The following CARM1 variants were observed in gnomAD, a reference collection of about 807,000 sequenced individuals.
CARM1 encodes coactivator associated arginine methyltransferase 1.
In CARM1, 14 loss-of-function variants were observed where a neutral mutation model predicts 72.7. That is an observed-to-expected ratio of 0.19 (90% CI 0.13 to 0.30). CARM1 has a LOEUF of 0.30. Among genes scored for constraint, CARM1 ranks in the 10% least tolerant of loss-of-function variants. The pLI is 1.00. For synonymous variants in CARM1, 333 were observed against 345.5 expected (o/e 0.96, Z 0.40); for missense variants, 432 against 833.7 (o/e 0.52, Z 5.93).
In CARM1 at chr19:10,920,743, C is replaced by T. The variant is rs1250469724; in HGVS notation, c.1419C>T (p.Phe473=). Reference sequence around the variant, plus strand: ...ACCTCCTGGATCTGAAAAACCCCTTCTTTAGGTAGGAGGGGCCCCTTGCCT... The same window carrying T: ...ACCTCCTGGATCTGAAAAACCCCTTTTTTAGGTAGGAGGGGCCCCTTGCCT... ...SSNLLDLKNP[F]FRYTGTTPSP... The change falls in exon 12 of 16, where the codon TTC becomes TTT. Residue 473 remains phenylalanine (F), a synonymous_variant. Transcript: ENST00000327064. This position sits in a 1 kb window ranked among gnomAD's most constrained non-coding sequence, Gnocchi z 5.3. 8.1e-6 allele frequency: 13 copies of T among 1,614,034 alleles called. No individual in the cohort carries two copies. The highest frequency in any genetic ancestry group is 1.1e-5 in the Non-Finnish European group (13 of 1,180,000).
intron 1 of CARM1, among the ~76,000 whole-genome samples, chr19:10,886,805 T>G (rs775520964): frequency 3.3e-5 from 5 of 151,904 alleles, no homozygotes; most frequent in Non-Finnish European, 4.4e-5. Flanking sequence ...CACTCCAGCC[T>G]GGATGATAGA....
rs1378445372 is a variant in CARM1, at chr19:10,920,022, AGCTGCAACCTG to A, written c.1196+61_1196+71del. ...CCTCCCCACTCCCAGGGCTTCCTGC[AGCTGCAACCTG>A]GCTGGGGGGGTGGAACATGGCTCCA... is the stretch of plus-strand genomic sequence containing the variant. On this transcript the variant is annotated intron_variant, in intron 10 of 15. Coordinates refer to ENST00000327064, the MANE Select transcript of CARM1 (RefSeq NM_199141.2). This position sits in a 1 kb window ranked among gnomAD's most constrained non-coding sequence, Gnocchi z 5.3. 1.3e-5 allele frequency: 18 copies of A among 1,367,268 alleles called. No homozygotes were observed. In the Admixed American group the frequency reaches 2.8e-4, roughly 21 times the overall value. 84.7% of individuals were successfully genotyped at this position (1,367,268 alleles called of 1,614,324 possible). A position where few individuals can be genotyped will look rare whatever the true frequency, so the allele number is the denominator to read the frequency against.
At chr19:10,877,143 G>A (rs1001700343) in intron 1 of CARM1, among the ~76,000 whole-genome samples, 1 of 152,062 alleles carries the variant, frequency 6.6e-6, no homozygotes, top group Non-Finnish European at 1.5e-5. Context: ...GCTGGGGCAG[G>A]GGTATAGAAG....
rs1568360128 is a variant in CARM1, at chr19:10,922,737, A to C, written c.*980A>C. 6.6e-6 allele frequency: 1 copy of C among 152,510 alleles called. No individual in the cohort carries two copies. Among genetic ancestry groups the C allele is most frequent in the African/African-American group, 2.4e-5 (1 of 41,474 alleles). 9.4% of individuals were successfully genotyped at this position (152,510 alleles called of 1,614,324 possible). ...CTCCCTCCAAAAAAAGAAAAAAAGA[A>C]AAAGAAAGAAAAAATAAATGAGGAA... On this transcript the variant is annotated 3_prime_UTR_variant, in exon 16 of 16. Transcript: ENST00000327064.
In CARM1 at chr19:10,916,310, C is replaced by T; in HGVS notation, c.848-97C>T. ...GAACGAATGGATGACAGGCTGGGAGCACCCAGGGTTGGGGGTCTTGGGGTC... is the reference window on the plus strand; with the variant it reads ...GAACGAATGGATGACAGGCTGGGAGTACCCAGGGTTGGGGGTCTTGGGGTC... On this transcript the variant is annotated intron_variant, in intron 6 of 15. Coordinates refer to ENST00000327064, the MANE Select transcript of CARM1 (RefSeq NM_199141.2). The surrounding 1 kb of genome is among the most constrained non-coding windows in gnomAD (Gnocchi z 4.4). The T allele has an allele frequency of 1.3e-6, 1 of 766,582 alleles. No homozygotes were observed. Among genetic ancestry groups the T allele is most frequent in the Non-Finnish European group, 2.3e-6 (1 of 440,486 alleles). The allele number at this position is 766,582 out of a possible 1,614,324, so 47.5% of individuals were successfully genotyped here.
In CARM1 at chr19:10,920,766, C is replaced by T; in HGVS notation, c.1424+18C>T. The T allele has an allele frequency of 6.2e-7, 1 of 1,613,830 alleles. No homozygotes were observed. The highest frequency in any genetic ancestry group is 8.5e-7 in the Non-Finnish European group (1 of 1,179,716). ...TTCTTTAGGTAGGAGGGGCCCCTTG[C>T]CTGCACAGGGGGGCGCCCCGGCCCT... On this transcript the variant is annotated intron_variant, in intron 12 of 15. Coordinates refer to ENST00000327064, the MANE Select transcript of CARM1 (RefSeq NM_199141.2). This position sits in a 1 kb window ranked among gnomAD's most constrained non-coding sequence, Gnocchi z 5.3.
At chr19:10,921,575 G>A (rs747880972) in intron 15 of CARM1, 40 bp from the exon 16 acceptor site, 30 of 1,585,132 alleles carry the variant, frequency 1.9e-5, no homozygotes, top group African/African-American at 4.0e-5. Flanking sequence ...GGGGCTGGGC[G>A]GGCCAGGGCA....
intron 1 of CARM1, among the ~76,000 whole-genome samples, chr19:10,890,785 A>AT (rs1308134717): frequency 2.1e-5 from 2 of 93,180 alleles, no homozygotes; most frequent in African/African-American, 1.1e-4. Context: ...ATATATATAT[A>AT]TATATATATA....
In CARM1 at chr19:10,920,774, G is replaced by T. The variant is rs1192889591; in HGVS notation, c.1424+26G>T. The T allele has an allele frequency of 6.2e-7, 1 of 1,613,240 alleles. No homozygotes were observed. The highest frequency in any genetic ancestry group is 1.3e-5 in the African/African-American group (1 of 75,020). ...GTAGGAGGGGCCCCTTGCCTGCACA[G>T]GGGGGCGCCCCGGCCCTGCAACCCC... On this transcript the variant is annotated intron_variant, in intron 12 of 15. Transcript: ENST00000327064. The surrounding 1 kb of genome is among the most constrained non-coding windows in gnomAD (Gnocchi z 5.3).
chr19:10,908,788 A>G, intron 3 of CARM1: 1 of 281,998 alleles, frequency 3.5e-6, no homozygotes, highest in South Asian at 3.5e-5. Flanking sequence ...GGGGCCCTCA[A>G]GATGAGGCAG....
intron 1 of CARM1, among the ~76,000 whole-genome samples, chr19:10,894,259 G>A (rs2074008222): frequency 1.3e-5 from 2 of 152,252 alleles, no homozygotes; most frequent in South Asian, 2.1e-4. Context: ...CCCAGCATGG[G>A]AGGGCCGGGG....
At position 10,909,169 on chromosome 19, in the gene CARM1, C is replaced by T. The variant is rs776520577; in HGVS notation, c.520C>T (p.Arg174Cys). ...CTACGTGCGGACAGGCACCTACCAG[C>T]GCGCCATCCTGCAAAACCACACCGA... ...QDYVRTGTYQ[R>C]AILQNHTDFK... The change falls in exon 4 of 16, where the codon CGC becomes TGC. Residue 174 changes from arginine (R) to cysteine (C), a missense_variant. By Grantham distance (180) the Arg-to-Cys change is radical. Around this residue, in one of 3 missense-constraint regions of CARM1, gnomAD observed 152 missense variants for 452.8 expected, o/e 0.34. Coordinates refer to ENST00000327064, the MANE Select transcript of CARM1 (RefSeq NM_199141.2). 4 of 1,613,810 alleles carry T rather than the reference C, an allele frequency of 2.5e-6. No individual in the cohort carries two copies. The highest frequency in any genetic ancestry group is 3.4e-6 in the Non-Finnish European group (4 of 1,179,822).
At chr19:10,890,361 G>C (rs964133799) in intron 1 of CARM1, among the ~76,000 whole-genome samples, 1 of 149,772 alleles carries the variant, frequency 6.7e-6, no homozygotes, top group Non-Finnish European at 1.5e-5. Context: ...TCCGCCTCCC[G>C]GGTTCAAGTG....
intron 1 of CARM1, among the ~76,000 whole-genome samples, chr19:10,888,980 C>A (rs1481721015): frequency 6.6e-6 from 1 of 152,170 alleles, no homozygotes; most frequent in African/African-American, 2.4e-5. Context: ...AGGGACCAGA[C>A]CTTAGAGGGA....
intron 1 of CARM1, among the ~76,000 whole-genome samples, chr19:10,878,844 G>C (rs2073881580): frequency 7.0e-6 from 1 of 143,610 alleles, no homozygotes; most frequent in Non-Finnish European, 1.5e-5. Context: ...TCGCTCTGTT[G>C]CCCAGGGGCT....
At chr19:10,879,298 G>T (rs959224040) in intron 1 of CARM1, among the ~76,000 whole-genome samples, 5 of 152,202 alleles carry the variant, frequency 3.3e-5, no homozygotes, top group African/African-American at 4.8e-5. Context: ...TCATTTTGTT[G>T]GCTAGAATGT....
chr19:10,917,901 G>T (rs2074211076), intron 8 of CARM1, among the ~76,000 whole-genome samples: 1 of 151,858 alleles, frequency 6.6e-6, no homozygotes, highest in Non-Finnish European at 1.5e-5. Context: ...TAGTAGAGAT[G>T]GGGTTTCGCC....
chr19:10,920,906 G>A lies in CARM1; in HGVS notation c.1497G>A (p.Thr499=), dbSNP rs111988493. The change falls in exon 13 of 16, where the codon ACG becomes ACA. Residue 499 remains threonine, a synonymous_variant. Coordinates refer to ENST00000327064, the MANE Select transcript of CARM1 (RefSeq NM_199141.2). This position sits in a 1 kb window ranked among gnomAD's most constrained non-coding sequence, Gnocchi z 5.3. ...YTSPSENMWN[T]GSTYNLSSGM... is the part of the protein sequence containing the mutation. ...CTCCCTCGGAAAACATGTGGAACAC[G>A]GGCAGCACCTACAACCTCAGCAGCG... 3.4e-3 allele frequency: 5,479 copies of A among 1,614,210 alleles called. 106 individuals carry two copies. In the South Asian group the frequency reaches 0.041, roughly 12 times the overall value.
chr19:10,872,588 T>TC (rs1352812877), intron 1 of CARM1, among the ~76,000 whole-genome samples: 2 of 151,988 alleles, frequency 1.3e-5, no homozygotes, highest in Admixed American at 6.6e-5. Flanking sequence ...ATGCCGGGCT[T>TC]CGAAGTAAGA....
Sources: gnomAD v4.1 joint callset for allele counts (sites outside exome capture counted in the v4.1 genomes callset) on GRCh38, gnomAD v4.1.1 for gene constraint, gnomAD v4.1.1 regional missense constraint, Gnocchi (gnomAD v3.1) non-coding constraint, MANE v1.5 for transcripts, NCBI Gene and HGNC (gene_info 2026-07-23, HGNC 2026-07-21) for gene names.